Variants in CDH13 observed in about 807,000 individuals in gnomAD.
The protein encoded by CDH13 is cadherin-13.
Under a neutral mutation model 63.8 loss-of-function variants are expected in CDH13, and 24 were observed. That is an observed-to-expected ratio of 0.38 (90% CI 0.27 to 0.53). The LOEUF is 0.53. CDH13 is among the 20% of genes least tolerant of loss of function. CDH13 has a pLI of 0.85. For missense variants in CDH13, 1,049 were observed against 903.1 expected (o/e 1.16, Z -2.07); for synonymous variants, 503 against 355.3 (o/e 1.42, Z -4.67).
At chr16:83,369,820 G>A (rs750064765) in intron 6 of CDH13, among the ~76,000 whole-genome samples, 4 of 152,032 alleles carry the variant, frequency 2.6e-5, no homozygotes, top group East Asian at 1.9e-4. Context: ...CTCTAGAAAC[G>A]GCCATTCCCA....
At position 82,725,247 on chromosome 16, in the gene CDH13, C is replaced by G. The variant is rs2048370968; in HGVS notation, c.45+98110C>G. On this transcript the variant is annotated intron_variant, in intron 1 of 13. Transcript: ENST00000567109. ...CATTGCAAATAACGTACATATGTCT[C>G]TTTCCCCATACTCGTTATTGTCTCT... Among the ~76,000 whole-genome samples, 4 of 152,164 alleles carry G rather than the reference C, an allele frequency of 2.6e-5. No homozygotes were observed. The South Asian group carries it at 8.3e-4, about 32-fold the overall frequency.
Position 83,748,115 on chromosome 16 carries a change from G to C in CDH13, c.1546G>C (p.Val516Leu). The C allele has an allele frequency of 6.2e-7, 1 of 1,613,826 alleles. No individual in the cohort carries two copies. Among genetic ancestry groups the C allele is most frequent in the Non-Finnish European group, 8.5e-7 (1 of 1,179,838 alleles). The change falls in exon 11 of 14, where the codon GTT (valine) becomes CTT (leucine). Residue 516 changes from valine to leucine, a missense_variant. Coordinates refer to ENST00000567109, the MANE Select transcript of CDH13 (RefSeq NM_001257.5). ...TGTGGGGATTTTTTTCAGGTATTCT[G>C]TTTACAAGGACCCAGCAGGTTGGCT... Reference protein sequence around the residue: ...SLQHQTIRYSVYKDPAGWLNI... With the variant: ...SLQHQTIRYSLYKDPAGWLNI...
chr16:83,353,801 C>A (rs2091004265), intron 6 of CDH13, among the ~76,000 whole-genome samples: 1 of 152,190 alleles, frequency 6.6e-6, no homozygotes, highest in Non-Finnish European at 1.5e-5. Context: ...TCTGGGTGAA[C>A]TGGGGAGATG....
At chr16:83,304,471 A>T (rs2089827658) in intron 5 of CDH13, among the ~76,000 whole-genome samples, 1 of 152,168 alleles carries the variant, frequency 6.6e-6, no homozygotes, top group African/African-American at 2.4e-5. Context: ...CTTCCCTAGA[A>T]GTCTACATAA....
rs116935223 is a variant in CDH13 at position 82,923,029 on chromosome 16, G to C, written c.157+64556G>C. ...GCAATAGCATCATGTATTTTAGAAA[G>C]TATATACCTTAAAGAACATTTTATT... On this transcript the variant is annotated intron_variant, in intron 2 of 13. Coordinates refer to ENST00000567109, the MANE Select transcript of CDH13 (RefSeq NM_001257.5). Among the ~76,000 whole-genome samples, 276 of 152,208 alleles carry C rather than the reference G, an allele frequency of 1.8e-3. 1 individual carries two copies. Among genetic ancestry groups the C allele is most frequent in the Middle Eastern group, 3.4e-3 (1 of 294 alleles).
intron 1 of CDH13, among the ~76,000 whole-genome samples, chr16:82,856,586 C>A (rs138113658): frequency 6.9e-6 from 1 of 145,360 alleles, no homozygotes; most frequent in African/African-American, 2.5e-5. Context: ...CCTGTAGTCT[C>A]AGCTACTTGG....
chr16:82,643,330 C>T (rs1418430515), intron 1 of CDH13, among the ~76,000 whole-genome samples: 1 of 152,222 alleles, frequency 6.6e-6, no homozygotes, highest in Admixed American at 6.5e-5. Flanking sequence ...TGTTCACCAC[C>T]TGCTGGTGAT....
chr16:83,503,721 T>G (rs1347546607), intron 7 of CDH13, among the ~76,000 whole-genome samples: 1 of 152,168 alleles, frequency 6.6e-6, no homozygotes, highest in Non-Finnish European at 1.5e-5. Context: ...ATCCTTCGCC[T>G]GCTTTTTAAT....
At chr16:83,000,370 T>C (rs1463463244) in intron 2 of CDH13, among the ~76,000 whole-genome samples, 1 of 149,048 alleles carries the variant, frequency 6.7e-6, no homozygotes, top group Non-Finnish European at 1.5e-5. Context: ...TGCCTCAGCC[T>C]CGCGAGTAGC....
intron 2 of CDH13, among the ~76,000 whole-genome samples, chr16:82,902,606 C>T (rs529895498): frequency 6.0e-5 from 9 of 150,898 alleles, no homozygotes; most frequent in Admixed American, 2.0e-4. Context: ...TCTTTTCTCA[C>T]GTGCTTCTTT....
intron 1 of CDH13, among the ~76,000 whole-genome samples, chr16:82,720,319 T>C (rs1299407545): frequency 6.6e-6 from 1 of 152,224 alleles, no homozygotes; most frequent in Non-Finnish European, 1.5e-5. Context: ...TTGTTTTTTA[T>C]TGTGCATTTT....
chr16:83,524,281 G>C (rs1436323823), intron 7 of CDH13, among the ~76,000 whole-genome samples: 1 of 151,968 alleles, frequency 6.6e-6, no homozygotes, highest in Non-Finnish European at 1.5e-5. Flanking sequence ...CCCAGTGAAG[G>C]AGTAGACACT....
At chr16:83,447,010 A>C (rs1598041793) in intron 6 of CDH13, among the ~76,000 whole-genome samples, 1 of 148,108 alleles carries the variant, frequency 6.8e-6, no homozygotes, top group East Asian at 2.0e-4. Context: ...AGAAGTAAGG[A>C]AATGATTTAA....
intron 1 of CDH13, among the ~76,000 whole-genome samples, chr16:82,818,713 G>A (rs568093347): frequency 6.6e-5 from 10 of 152,172 alleles, no homozygotes; most frequent in Non-Finnish European, 1.0e-4. Flanking sequence ...CAGTGACGGT[G>A]CCTCACATCT....
chr16:82,701,946 C>G (rs542429577), intron 1 of CDH13, among the ~76,000 whole-genome samples: 1 of 151,184 alleles, frequency 6.6e-6, no homozygotes, highest in Non-Finnish European at 1.5e-5. Context: ...GCAGTTTCCC[C>G]GAGGAAATTG....
intron 1 of CDH13, among the ~76,000 whole-genome samples, chr16:82,689,305 ACTG>A (rs1915401440): frequency 2.0e-5 from 3 of 152,168 alleles, no homozygotes; most frequent in Non-Finnish European, 2.9e-5. Context: ...GGTATGAATC[ACTG>A]CTATTAAAAA....
chr16:83,261,884 C>T (rs139778055), intron 5 of CDH13, among the ~76,000 whole-genome samples: 1 of 152,086 alleles, frequency 6.6e-6, no homozygotes. Context: ...GGAGGAGTCA[C>T]TCAAAGAGTC....
intron 4 of CDH13, among the ~76,000 whole-genome samples, chr16:83,206,106 C>T (rs1415538048): frequency 6.6e-6 from 1 of 152,122 alleles, no homozygotes; most frequent in African/African-American, 2.4e-5. Context: ...TCATACATGG[C>T]CTATGGGTCC....
chr16:83,006,395 C>G (rs956649383), intron 2 of CDH13, among the ~76,000 whole-genome samples: 3 of 152,208 alleles, frequency 2.0e-5, no homozygotes, highest in Admixed American at 2.0e-4. Flanking sequence ...TTTTGACTAA[C>G]ACAACTTACT....
Sources: allele counts gnomAD v4.1 joint callset (sites outside exome capture counted in the v4.1 genomes callset), GRCh38; gene constraint gnomAD v4.1.1; transcripts MANE v1.5; gene names NCBI Gene and HGNC (gene_info 2026-07-23, HGNC 2026-07-21).